SEMA3A: variants seen among roughly 807,000 people sequenced by gnomAD.
SEMA3A encodes the protein semaphorin 3A, also known as semaphorin-3A.
A neutral mutation model predicts 97.9 loss-of-function variants in SEMA3A; 29 were observed. The ratio of observed to expected loss-of-function variants is 0.30; its 90% CI spans 0.22 to 0.40. The LOEUF (loss-of-function observed/expected upper bound fraction) is 0.40. Ranked by LOEUF, SEMA3A falls within the 10% of genes least tolerant of loss-of-function variation. The probability of loss-of-function intolerance (pLI) is 1.00; values close to 1 mark genes in which losing one functional copy is unlikely to be tolerated. For synonymous variants in SEMA3A, 321 were observed against 323.7 expected, an observed-to-expected ratio of 0.99 and a Z score of 0.09; for missense variants, 763 against 951.3, an observed-to-expected ratio of 0.80 and a Z score of 2.60.
intron 4 of SEMA3A, among the ~76,000 whole-genome samples, chr7:84,068,355 A>C (rs1386178735): frequency 6.7e-6 from 1 of 149,064 alleles, no homozygotes; most frequent in African/African-American, 2.5e-5. Context: ...GCACACCAGC[A>C]TGGCACATGT....
At chr7:84,351,807 T>C (rs1036326972) in intron 2 of SEMA3A, among the ~76,000 whole-genome samples, 2 of 151,952 alleles carry the variant, frequency 1.3e-5, no homozygotes, top group African/African-American at 4.8e-5. Flanking sequence ...AGTATAACAT[T>C]ATGGAGGTTC....
At chr7:84,218,782 GA>G (rs1286540410) in intron 3 of SEMA3A, among the ~76,000 whole-genome samples, 4 of 151,956 alleles carry the variant, frequency 2.6e-5, no homozygotes, top group South Asian at 4.2e-4. Context: ...TAACTTAGAG[GA>G]GACGACTCTA....
rs10266471 is a variant in SEMA3A, at chr7:84,343,955, C to T, written c.-169+27869G>A. On this transcript the variant is annotated intron_variant, in intron 2 of 3. Coordinates refer to the SEMA3A transcript ENST00000424555. ...CAGGAGACTGAGGCTTTGCAGTGAG[C>T]TATTATCACACCACTGCACTCCAGT... 4.0e-5 allele frequency among the ~76,000 whole-genome samples: 6 copies of T among 151,476 alleles called. No individual in the cohort carries two copies. In the East Asian group the frequency reaches 7.7e-4, roughly 20 times the overall value.
At chr7:84,435,478 C>T (rs1289198510) in intron 1 of SEMA3A, among the ~76,000 whole-genome samples, 3 of 152,060 alleles carry the variant, frequency 2.0e-5, no homozygotes. Flanking sequence ...CATAATGGTG[C>T]GTGCCTATAG....
At chr7:84,029,594 C>A (rs1791664472) in intron 6 of SEMA3A, among the ~76,000 whole-genome samples, 1 of 152,156 alleles carries the variant, frequency 6.6e-6, no homozygotes. Flanking sequence ...TAAATAAATT[C>A]ATATTGTAAA....
chr7:84,422,106 C>T (rs979971858), intron 1 of SEMA3A, among the ~76,000 whole-genome samples: 7 of 151,902 alleles, frequency 4.6e-5, no homozygotes, highest in East Asian at 1.9e-4. Flanking sequence ...AGCTCCTCTT[C>T]GTACCTCTGG....
chr7:84,036,387 T>C (rs889922164), intron 6 of SEMA3A, among the ~76,000 whole-genome samples: 4 of 152,142 alleles, frequency 2.6e-5, no homozygotes, highest in Admixed American at 2.6e-4. Context: ...GGATGCTATT[T>C]GCATTTAAAA....
chr7:84,275,844 TA>T (rs1027417178), intron 3 of SEMA3A, among the ~76,000 whole-genome samples: 2 of 152,150 alleles, frequency 1.3e-5, no homozygotes, highest in African/African-American at 4.8e-5. Flanking sequence ...AATTTTTGAT[TA>T]CATGTTGAAA....
chr7:84,452,681 A>C (rs1303201472), intron 1 of SEMA3A, among the ~76,000 whole-genome samples: 1 of 152,208 alleles, frequency 6.6e-6, no homozygotes, highest in African/African-American at 2.4e-5. Context: ...TCACAGGACA[A>C]CTATGTATTT....
At chr7:84,446,972 T>C (rs1805429538) in intron 1 of SEMA3A, among the ~76,000 whole-genome samples, 2 of 152,102 alleles carry the variant, frequency 1.3e-5, no homozygotes, top group Non-Finnish European at 2.9e-5. Context: ...GACCCAGGCA[T>C]CCCCGCACTC....
chr7:84,198,942 T>C (rs2116291592), upstream of SEMA3A, among the ~76,000 whole-genome samples: 1 of 152,328 alleles, frequency 6.6e-6, no homozygotes, highest in African/African-American at 2.4e-5. Context: ...AGATACGTAT[T>C]AAAGTATTTA....
At position 84,255,300 on chromosome 7, in the gene SEMA3A, T is replaced by C. The variant is rs190722368; in HGVS notation, c.-83+51907A>G. Among the ~76,000 whole-genome samples, 152 of 152,316 alleles carry C rather than the reference T, an allele frequency of 1.0e-3. 1 individual carries two copies. The highest frequency in any genetic ancestry group is 1.8e-3 in the Non-Finnish European group (120 of 68,004). The stretch of plus-strand genomic sequence containing the variant: ...CTTCACAGCTATTCTGTAAATTTGC[T>C]GTTCTCCTACTTCCATTTTATATCT... On this transcript the variant is annotated intron_variant, in intron 3 of 3. Coordinates refer to the SEMA3A transcript ENST00000424555.
chr7:84,148,324 T>C (rs1057116698), intron 1 of SEMA3A, among the ~76,000 whole-genome samples: 3 of 152,174 alleles, frequency 2.0e-5, no homozygotes, highest in Non-Finnish European at 4.4e-5. Context: ...TAAATACATT[T>C]TGATTATAAA....
chr7:84,149,910 A>G (rs1796576629), intron 1 of SEMA3A, among the ~76,000 whole-genome samples: 1 of 152,200 alleles, frequency 6.6e-6, no homozygotes, highest in Non-Finnish European at 1.5e-5. Flanking sequence ...ATTTTAATAA[A>G]CCTTCGTGGC....
At chr7:84,013,268 T>C (rs1034816504) in intron 7 of SEMA3A, among the ~76,000 whole-genome samples, 1 of 152,206 alleles carries the variant, frequency 6.6e-6, no homozygotes, top group African/African-American at 2.4e-5. Context: ...AATGGAACTA[T>C]TATATTTTCA....
intron 1 of SEMA3A, among the ~76,000 whole-genome samples, chr7:84,139,284 G>A (rs1300146817): frequency 6.6e-6 from 1 of 152,050 alleles, no homozygotes; most frequent in Non-Finnish European, 1.5e-5. Flanking sequence ...AAAGCTTTTA[G>A]AGGCATTAAT....
At chr7:84,227,191 GATATC>G (rs1221694621) in intron 3 of SEMA3A, among the ~76,000 whole-genome samples, 2 of 151,344 alleles carry the variant, frequency 1.3e-5, no homozygotes, top group Non-Finnish European at 2.9e-5. Flanking sequence ...TATCTATATA[GATATC>G]TATAGATAGA....
intron 1 of SEMA3A, among the ~76,000 whole-genome samples, chr7:84,468,191 C>A (rs79710457): frequency 1.3e-5 from 2 of 152,178 alleles, no homozygotes; most frequent in Admixed American, 6.5e-5. Context: ...TTGGAACACT[C>A]TCTTCCCCCC....
intron 4 of SEMA3A, among the ~76,000 whole-genome samples, chr7:84,096,186 T>G (rs1794765789): frequency 6.6e-6 from 1 of 152,072 alleles, no homozygotes; most frequent in Non-Finnish European, 1.5e-5. Flanking sequence ...GAAAAGACTC[T>G]GAATTAGCTG....
Sources: allele counts gnomAD v4.1 joint callset (sites outside exome capture counted in the v4.1 genomes callset), GRCh38; gene constraint gnomAD v4.1.1; transcripts MANE v1.5; gene names NCBI Gene and HGNC (gene_info 2026-07-23, HGNC 2026-07-21).